ITSN1: variants seen among roughly 807,000 people sequenced by gnomAD.
The protein encoded by ITSN1 is intersectin 1, also known as intersectin-1.
In ITSN1, 58 loss-of-function variants were observed where a neutral mutation model predicts 239.8. That is an observed-to-expected ratio of 0.24 (90% CI 0.20 to 0.30). ITSN1 has a LOEUF of 0.30. Among genes scored for constraint, ITSN1 ranks in the 10% least tolerant of loss-of-function variants. ITSN1 has a pLI of 1.00. For synonymous variants in ITSN1, 780 were observed against 770.8 expected (o/e 1.01, Z -0.20); for missense variants, 1,558 against 2,103.3 (o/e 0.74, Z 5.07).
chr21:33,665,262 CA>C (rs564344337), intron 1 of ITSN1, among the ~76,000 whole-genome samples: 68 of 144,918 alleles, frequency 4.7e-4, no homozygotes, highest in South Asian at 1.1e-3. Flanking sequence ...GACTCTGTCT[CA>C]AAAAAAAAGA....
chr21:33,789,165 T>G (rs967846610), intron 16 of ITSN1, among the ~76,000 whole-genome samples: 5 of 152,196 alleles, frequency 3.3e-5, no homozygotes, highest in African/African-American at 1.2e-4. Flanking sequence ...GTTAATGTAT[T>G]TTAAAACTCC....
At chr21:33,648,037 T>C (rs2088138727) in intron 1 of ITSN1, among the ~76,000 whole-genome samples, 4 of 152,234 alleles carry the variant, frequency 2.6e-5, no homozygotes, top group Admixed American at 2.6e-4. Context: ...GATTGTATCA[T>C]TTTATACTCT....
intron 5 of ITSN1, among the ~76,000 whole-genome samples, chr21:33,744,334 A>G (rs917917174): frequency 6.6e-6 from 1 of 152,214 alleles, no homozygotes; most frequent in Non-Finnish European, 1.5e-5. Flanking sequence ...AAGAAAGGAG[A>G]TAACAAATAT....
chr21:33,829,130 C>T (rs180762346), intron 26 of ITSN1: 265 of 398,230 alleles, frequency 6.7e-4, no homozygotes, highest in Non-Finnish European at 1.9e-4. Flanking sequence ...CTGCCGGGCT[C>T]CCAGTGGTTT....
At chr21:33,836,698 C>A in intron 29 of ITSN1, 66 bp downstream of exon 29, 1 of 1,281,526 alleles carries the variant, frequency 7.8e-7, no homozygotes, top group South Asian at 1.3e-5. Flanking sequence ...TGCAGCATTG[C>A]TCTGATTCTG....
At chr21:33,809,040 A>C (rs532821605) in intron 20 of ITSN1, among the ~76,000 whole-genome samples, 2 of 152,346 alleles carry the variant, frequency 1.3e-5, no homozygotes, top group South Asian at 4.1e-4. Context: ...GGAAGGAAAG[A>C]CATCTAGCCA....
chr21:33,670,575 G>A (rs1018718927), intron 1 of ITSN1, among the ~76,000 whole-genome samples: 1 of 152,046 alleles, frequency 6.6e-6, no homozygotes, highest in African/African-American at 2.4e-5. Flanking sequence ...TGTCTGCCTG[G>A]ATGGAAGAGT....
At chr21:33,715,296 A>G (rs892791187) in intron 1 of ITSN1, among the ~76,000 whole-genome samples, 7 of 152,166 alleles carry the variant, frequency 4.6e-5, no homozygotes, top group African/African-American at 1.4e-4. Flanking sequence ...ATGTGAGACT[A>G]TTAGCACTAA....
At chr21:33,734,347 G>A (rs1229027298) in intron 4 of ITSN1, among the ~76,000 whole-genome samples, 2 of 152,140 alleles carry the variant, frequency 1.3e-5, no homozygotes, top group Non-Finnish European at 2.9e-5. Flanking sequence ...ATTACAGTTT[G>A]CACTTGGACC....
rs7282563 is a variant in ITSN1 at position 33,680,610 on chromosome 21, C to T, written c.-33+37897C>T. Among the ~76,000 whole-genome samples, 1,137 of 152,264 alleles carry T rather than the reference C, an allele frequency of 7.5e-3. 10 individuals are homozygous for T. Among genetic ancestry groups the T allele is most frequent in the African/African-American group, 0.026 (1,075 of 41,562 alleles). Reference sequence around the variant, plus strand: ...CCTCCCAAAGTGCTGGGATTGCAGGCGTGAGCCGATGTGCGTGGCCTGGTG... The same window carrying T: ...CCTCCCAAAGTGCTGGGATTGCAGGTGTGAGCCGATGTGCGTGGCCTGGTG... On this transcript the variant is annotated intron_variant, in intron 1 of 39. Coordinates refer to ENST00000381318, the MANE Select transcript of ITSN1 (RefSeq NM_003024.3).
At chr21:33,817,795 A>T (rs544524436) in intron 22 of ITSN1, 1 of 491,242 alleles carries the variant, frequency 2.0e-6, no homozygotes, top group African/African-American at 2.0e-5. Context: ...CATAATCCAG[A>T]TAGGGCCTAT....
chr21:33,750,183 T>A lies in ITSN1; in HGVS notation c.387T>A (p.Val129=). 1 of 1,614,186 alleles carries A rather than the reference T, an allele frequency of 6.2e-7. No individual in the cohort carries two copies. The highest frequency in any genetic ancestry group is 2.2e-5 in the East Asian group (1 of 44,882). Residue 129 remains valine, a synonymous_variant, in exon 6 of 40, where the codon GTT becomes GTA. Coordinates refer to ENST00000381318, the MANE Select transcript of ITSN1 (RefSeq NM_003024.3). ...GIASMPPLTA[V]APVPMGSIPV... Reference sequence around the variant, plus strand: ...CCAGCATGCCACCGCTTACAGCTGTTGCTCCAGTGCCAATGGGATCCATTC... The same window carrying A: ...CCAGCATGCCACCGCTTACAGCTGTAGCTCCAGTGCCAATGGGATCCATTC...
chr21:33,794,798 G>A lies in ITSN1; in HGVS notation c.1952+330G>A, dbSNP rs561930053. On this transcript the variant is annotated intron_variant, in intron 17 of 39. Coordinates refer to ENST00000381318, the MANE Select transcript of ITSN1 (RefSeq NM_003024.3). ...TTACTAACAGCTAACAGGGGTTGGA[G>A]TGCCTGGTTTAAAATCCAAGCCACT... is the stretch of plus-strand genomic sequence containing the variant. Among the ~76,000 whole-genome samples the A allele has an allele frequency of 2.0e-5, 3 of 152,312 alleles. No homozygotes were observed. In the East Asian group the frequency reaches 5.8e-4, roughly 29 times the overall value.
chr21:33,764,305 G>C (rs993414882), intron 9 of ITSN1, among the ~76,000 whole-genome samples: 2 of 152,134 alleles, frequency 1.3e-5, no homozygotes, highest in African/African-American at 2.4e-5. Context: ...TCATAATTTA[G>C]GTAAGTGTGG....
Position 33,886,468 on chromosome 21 carries a change from G to T in ITSN1, c.5017+8G>T, listed in dbSNP as rs368565061. 15 of 1,549,006 alleles carry T rather than the reference G, an allele frequency of 9.7e-6. No individual in the cohort carries two copies. In the African/African-American group the frequency reaches 1.8e-4, roughly 19 times the overall value. ...ACCAGTTCTCACCAGATGGTGAGTGGAACGCGGCCCTGTGGTTATTCCTCC... is the reference window on the plus strand; with the variant it reads ...ACCAGTTCTCACCAGATGGTGAGTGTAACGCGGCCCTGTGGTTATTCCTCC... On this transcript the variant is annotated splice_region_variant and intron_variant, in intron 39 of 39. Coordinates refer to ENST00000381318, the MANE Select transcript of ITSN1 (RefSeq NM_003024.3).
chr21:33,716,227 G>T (rs1380122818), intron 1 of ITSN1, among the ~76,000 whole-genome samples: 1 of 152,130 alleles, frequency 6.6e-6, no homozygotes, highest in Admixed American at 6.5e-5. Context: ...TCCATATCCA[G>T]ATCTCTTAGA....
At chr21:33,813,885 A>G (rs763614748) in intron 21 of ITSN1, 28 bp from the exon 22 acceptor site, 3 of 1,587,880 alleles carry the variant, frequency 1.9e-6, no homozygotes, top group South Asian at 2.2e-5. Flanking sequence ...AGTGCTTGTT[A>G]TTCATGGTGT....
intron 11 of ITSN1, among the ~76,000 whole-genome samples, chr21:33,770,177 C>T (rs1393218698): frequency 6.6e-6 from 1 of 152,024 alleles, no homozygotes; most frequent in Non-Finnish European, 1.5e-5. Context: ...GATTCTTCTG[C>T]CTCAGCCTCC....
chr21:33,701,922 G>C (rs1234209634), intron 1 of ITSN1, among the ~76,000 whole-genome samples: 1 of 151,764 alleles, frequency 6.6e-6, no homozygotes, highest in Non-Finnish European at 1.5e-5. Context: ...AGAAAAATTA[G>C]CTGGGCGTGG....
Sources: gnomAD v4.1 joint callset for allele counts (sites outside exome capture counted in the v4.1 genomes callset) on GRCh38, gnomAD v4.1.1 for gene constraint, MANE v1.5 for transcripts, NCBI Gene and HGNC (gene_info 2026-07-23, HGNC 2026-07-21) for gene names.